The following ATP10B variants were observed in gnomAD, a reference collection of about 807,000 sequenced individuals.
The protein encoded by ATP10B is ATPase phospholipid transporting 10B (putative).
Under a neutral mutation model 141.2 loss-of-function variants are expected in ATP10B, and 122 were observed. That is an observed-to-expected ratio of 0.86 (90% CI 0.75 to 1.00). ATP10B has a LOEUF of 1.00. ATP10B is among the 50% of genes least tolerant of loss of function. The probability of loss-of-function intolerance (pLI) is 0.00; values close to 1 mark genes in which losing one functional copy is unlikely to be tolerated. For synonymous variants in ATP10B, 685 were observed against 692.0 expected (o/e 0.99, Z 0.16); for missense variants, 1,876 against 1,825.3 (o/e 1.03, Z -0.51).
intron 2 of ATP10B, among the ~76,000 whole-genome samples, chr5:160,782,477 A>ACACACT (rs1554115540): frequency 6.9e-6 from 1 of 145,352 alleles, no homozygotes; most frequent in Non-Finnish European, 1.5e-5. Flanking sequence ...ACACACACAC[A>ACACACT]CACTCACTCA....
intron 1 of ATP10B, among the ~76,000 whole-genome samples, chr5:160,819,226 C>T (rs113345614): frequency 6.6e-6 from 1 of 151,960 alleles, no homozygotes; most frequent in South Asian, 2.1e-4. Flanking sequence ...ATATGTCTGG[C>T]AGGAGACTTT....
chr5:160,607,117 T>A, intron 18 of ATP10B, 31 bp from the exon 19 acceptor site: 3 of 1,564,268 alleles, frequency 1.9e-6, no homozygotes, highest in Non-Finnish European at 2.6e-6. Context: ...ACAGTATTTG[T>A]AAGCAACCTT....
chr5:160,585,655 A>G (rs143910982), intron 24 of ATP10B, among the ~76,000 whole-genome samples: 3 of 152,304 alleles, frequency 2.0e-5, no homozygotes, highest in Non-Finnish European at 4.4e-5. Context: ...TGCCATTGTT[A>G]TCTTTTCTTT....
At chr5:160,647,421 G>C (rs1197765526) in intron 8 of ATP10B, among the ~76,000 whole-genome samples, 1 of 152,296 alleles carries the variant, frequency 6.6e-6, no homozygotes, top group South Asian at 2.1e-4. Context: ...ACTCATCCAT[G>C]AGGCCCAGTC....
intron 1 of ATP10B, among the ~76,000 whole-genome samples, chr5:160,793,847 T>C (rs1771762925): frequency 6.6e-6 from 1 of 152,192 alleles, no homozygotes; most frequent in African/African-American, 2.4e-5. Context: ...ATTTTTTCTG[T>C]ATTTAGATAC....
chr5:160,594,972 T>C (rs113980723), intron 22 of ATP10B, among the ~76,000 whole-genome samples: 1 of 152,126 alleles, frequency 6.6e-6, no homozygotes, highest in Non-Finnish European at 1.5e-5. Flanking sequence ...CTGTCAACAT[T>C]AGACAGATCA....
intron 13 of ATP10B, among the ~76,000 whole-genome samples, chr5:160,628,432 T>C (rs1758724046): frequency 1.3e-5 from 2 of 152,172 alleles, no homozygotes; most frequent in Admixed American, 6.5e-5. Context: ...AACCTTACAG[T>C]GGGAGTGTGT....
chr5:160,867,002 T>C, the ATP10B span, among the ~76,000 whole-genome samples: 2 of 152,138 alleles, frequency 1.3e-5, no homozygotes, highest in African/African-American at 4.8e-5. Flanking sequence ...GCTAGGAATA[T>C]GAACTTAGGT....
rs1757046619 is a variant in ATP10B at position 160,600,558 on chromosome 5, T to C, written c.3364-1588A>G. ...TTCCCGACATACAGCAGACATTCAA[T>C]TGTTATTTGAATCAATGTAGTTAAT... On this transcript the variant is annotated intron_variant, in intron 21 of 25. Transcript: ENST00000327245. Among the ~76,000 whole-genome samples the C allele has an allele frequency of 1.3e-5, 2 of 152,312 alleles. 1 individual carries two copies. Among genetic ancestry groups the C allele is most frequent in the South Asian group, 4.1e-4 (2 of 4,828 alleles).
chr5:160,803,066 TC>T (rs1453358982), intron 1 of ATP10B, among the ~76,000 whole-genome samples: 1 of 152,180 alleles, frequency 6.6e-6, no homozygotes, highest in Non-Finnish European at 1.5e-5. Context: ...CGTGACATGC[TC>T]CTGTTCAAAA....
intron 2 of ATP10B, among the ~76,000 whole-genome samples, chr5:160,723,240 C>T (rs1339706070): frequency 2.0e-5 from 3 of 152,188 alleles, no homozygotes; most frequent in Non-Finnish European, 4.4e-5. Context: ...GGTTGAAATG[C>T]TGTTGCAGAA....
chr5:160,565,701 T>C lies in ATP10B; in HGVS notation c.4138A>G (p.Ser1380Gly), dbSNP rs758061030. 13 of 1,613,966 alleles carry C rather than the reference T, an allele frequency of 8.1e-6. No homozygotes were observed. The highest frequency in any genetic ancestry group is 1.1e-5 in the Non-Finnish European group (13 of 1,179,980). The change falls in exon 26 of 26, where the codon AGC (serine) becomes GGC (glycine). Residue 1380 changes from serine (S) to glycine (G), a missense_variant. Transcript: ENST00000327245. ...SSITGQDFSA[S>G]TPKSSNPPKR... Reference sequence around the variant, plus strand: ...GGAGGGTTAGAGCTCTTTGGGGTGCTGGCACTGAAGTCCTGTCCTGTGATA... The same window carrying C: ...GGAGGGTTAGAGCTCTTTGGGGTGCCGGCACTGAAGTCCTGTCCTGTGATA...
intron 2 of ATP10B, among the ~76,000 whole-genome samples, chr5:160,724,378 C>T (rs944184070): frequency 6.6e-6 from 1 of 151,380 alleles, no homozygotes; most frequent in Admixed American, 6.6e-5. Flanking sequence ...CCACCTCAGT[C>T]CCCCAAAGTG....
In ATP10B at chr5:160,601,177, G is replaced by A. The variant is rs561938952; in HGVS notation, c.3363+1400C>T. Among the ~76,000 whole-genome samples, 111 of 152,264 alleles carry A rather than the reference G, an allele frequency of 7.3e-4. 2 individuals are homozygous for A. The highest frequency in any genetic ancestry group is 2.5e-3 in the African/African-American group (104 of 41,552). ...CTTGCTGAGATAATATTACCATCAAGTTGATTGAATTTACATTACTTTTTG... is the reference window on the plus strand; with the variant it reads ...CTTGCTGAGATAATATTACCATCAAATTGATTGAATTTACATTACTTTTTG... On this transcript the variant is annotated intron_variant, in intron 21 of 25. Transcript: ENST00000327245.
At chr5:160,919,767 C>T in the ATP10B span, among the ~76,000 whole-genome samples, 1 of 152,166 alleles carries the variant, frequency 6.6e-6, no homozygotes, top group Non-Finnish European at 1.5e-5. Flanking sequence ...TCCGCTAGCT[C>T]TCTTTACACT....
intron 22 of ATP10B, among the ~76,000 whole-genome samples, chr5:160,591,834 C>CT (rs1017634311): frequency 1.3e-5 from 2 of 152,236 alleles, no homozygotes; most frequent in African/African-American, 4.8e-5. Context: ...AACATGCACT[C>CT]TCACCATGCC....
chr5:160,919,537 T>G, the ATP10B span, among the ~76,000 whole-genome samples: 7 of 152,212 alleles, frequency 4.6e-5, no homozygotes, highest in Non-Finnish European at 8.8e-5. Context: ...GTACTCATTT[T>G]CATAGCAGTG....
chr5:160,917,614 T>G, the ATP10B span, among the ~76,000 whole-genome samples: 2 of 152,074 alleles, frequency 1.3e-5, no homozygotes, highest in Non-Finnish European at 2.9e-5. Flanking sequence ...AATCCTCAAG[T>G]CAAATCACAC....
chr5:160,688,734 T>C (rs1763909645), intron 4 of ATP10B, 26 bp downstream of exon 4: 1 of 982,716 alleles, frequency 1.0e-6, no homozygotes. Context: ...ATTTTCTGAT[T>C]CTGATGACAT....
Sources: allele counts gnomAD v4.1 joint callset (sites outside exome capture counted in the v4.1 genomes callset), GRCh38; gene constraint gnomAD v4.1.1; transcripts MANE v1.5; gene names NCBI Gene and HGNC (gene_info 2026-07-23, HGNC 2026-07-21).